The following CHST11 variants were observed in gnomAD, a reference collection of about 807,000 sequenced individuals.
CHST11 encodes C4S-1.
In CHST11, 9 loss-of-function variants were observed where a neutral mutation model predicts 30.4. The ratio of observed to expected loss-of-function variants is 0.30; its 90% CI spans 0.18 to 0.52. The LOEUF is 0.52. Ranked by LOEUF, CHST11 falls within the 20% of genes least tolerant of loss-of-function variation. The pLI, the probability that CHST11 is intolerant of heterozygous loss-of-function variation, is 0.97. For synonymous variants in CHST11, 152 were observed against 187.8 expected, an observed-to-expected ratio of 0.81 and a Z score of 1.56; for missense variants, 348 against 460.6, an observed-to-expected ratio of 0.76 and a Z score of 2.24.
intron 1 of CHST11, among the ~76,000 whole-genome samples, chr12:104,575,071 C>T (rs2038669955): frequency 2.0e-5 from 3 of 151,584 alleles, no homozygotes. Context: ...CATGCACCTG[C>T]AATTCCAGCT....
chr12:104,670,859 C>T (rs1172378740), intron 2 of CHST11, among the ~76,000 whole-genome samples: 1 of 151,802 alleles, frequency 6.6e-6, no homozygotes, highest in Non-Finnish European at 1.5e-5. Context: ...ATACCCCCCA[C>T]ACCTATACAT....
intron 1 of CHST11, among the ~76,000 whole-genome samples, chr12:104,494,480 C>T (rs1406243058): frequency 6.6e-6 from 1 of 152,172 alleles, no homozygotes; most frequent in African/African-American, 2.4e-5. Flanking sequence ...AGGCAGTTTC[C>T]CAGGGGAAGG....
At chr12:104,678,706 AG>A (rs1273803506) in intron 2 of CHST11, among the ~76,000 whole-genome samples, 1 of 152,238 alleles carries the variant, frequency 6.6e-6, no homozygotes, top group Non-Finnish European at 1.5e-5. Flanking sequence ...AAGGAATGAA[AG>A]GACAAGGTTT....
intron 1 of CHST11, among the ~76,000 whole-genome samples, chr12:104,530,081 A>C (rs1795860): frequency 0.83 from 126,242 of 152,132 alleles, 52,825 homozygotes; most frequent in East Asian, 1. Flanking sequence ...ATCTCTTGAA[A>C]CCGGGAGGTG....
intron 1 of CHST11, among the ~76,000 whole-genome samples, chr12:104,512,814 C>A (rs956322477): frequency 2.0e-5 from 3 of 152,056 alleles, no homozygotes; most frequent in African/African-American, 4.8e-5. Flanking sequence ...GGACAGAACC[C>A]AACTGGAGGT....
intron 1 of CHST11, among the ~76,000 whole-genome samples, chr12:104,517,062 G>C (rs2038031411): frequency 6.6e-6 from 1 of 152,054 alleles, no homozygotes; most frequent in Admixed American, 6.5e-5. Flanking sequence ...CATCATAGCT[G>C]TTACTGCCAC....
chr12:104,642,705 T>C (rs1056319066), intron 2 of CHST11, among the ~76,000 whole-genome samples: 2 of 152,136 alleles, frequency 1.3e-5, no homozygotes, highest in East Asian at 3.8e-4. Context: ...CAGCCTGTTA[T>C]GTATCTCTGA....
intron 2 of CHST11, among the ~76,000 whole-genome samples, chr12:104,625,317 T>C (rs750259819): frequency 6.6e-5 from 10 of 152,208 alleles, no homozygotes; most frequent in Non-Finnish European, 1.2e-4. Context: ...TCTTTTTCTT[T>C]TTCTGAGACG....
chr12:104,530,787 G>A (rs2038175581), intron 1 of CHST11, among the ~76,000 whole-genome samples: 1 of 152,184 alleles, frequency 6.6e-6, no homozygotes, highest in African/African-American at 2.4e-5. Flanking sequence ...AATATGATAA[G>A]TTCAAAATCT....
At chr12:104,469,491 A>G (rs2037487805) in intron 1 of CHST11, among the ~76,000 whole-genome samples, 1 of 152,238 alleles carries the variant, frequency 6.6e-6, no homozygotes, top group Non-Finnish European at 1.5e-5. Context: ...CAGTCATTTC[A>G]GAAAAATAAC....
intron 2 of CHST11, among the ~76,000 whole-genome samples, chr12:104,608,236 C>T (rs537809515): frequency 7.3e-4 from 111 of 152,122 alleles, no homozygotes; most frequent in African/African-American, 2.6e-3. Flanking sequence ...CTATAACTTG[C>T]GAATTTAGGG....
At chr12:104,627,795 ATGG>A (rs386377630) in intron 2 of CHST11, among the ~76,000 whole-genome samples, 2 of 148,806 alleles carry the variant, frequency 1.3e-5, no homozygotes, top group African/African-American at 4.9e-5. Context: ...GATGATGATG[ATGG>A]TGGTGGTGGA....
intron 1 of CHST11, among the ~76,000 whole-genome samples, chr12:104,509,266 C>T (rs1187325248): frequency 2.0e-5 from 3 of 152,218 alleles, no homozygotes; most frequent in Non-Finnish European, 4.4e-5. Context: ...ATGTCACTTG[C>T]TCCTCTTTGC....
intron 2 of CHST11, among the ~76,000 whole-genome samples, chr12:104,643,789 C>T (rs1199948722): frequency 6.6e-6 from 1 of 152,108 alleles, no homozygotes; most frequent in Non-Finnish European, 1.5e-5. Flanking sequence ...TGGTCTGGGT[C>T]TCATGAGCGT....
intron 2 of CHST11, among the ~76,000 whole-genome samples, chr12:104,632,947 C>T (rs757077102): frequency 6.6e-6 from 1 of 152,212 alleles, no homozygotes; most frequent in South Asian, 2.1e-4. Flanking sequence ...GTTGGTGAAA[C>T]GCTTGTGGTT....
chr12:104,479,051 T>C lies in CHST11; in HGVS notation c.118+21522T>C, dbSNP rs12581557. 0.013 allele frequency among the ~76,000 whole-genome samples: 1,949 copies of C among 152,254 alleles called. 74 individuals are homozygous for C. In the East Asian group the frequency reaches 0.16, roughly 13 times the overall value. On this transcript the variant is annotated intron_variant, in intron 1 of 2. Coordinates refer to ENST00000303694, the MANE Select transcript of CHST11 (RefSeq NM_018413.6). ...TTTCAAAAGAGTCACCTGTCTTTACTTGGCATTTCCAAACTTGCCTCAGAT... is the reference window on the plus strand; with the variant it reads ...TTTCAAAAGAGTCACCTGTCTTTACCTGGCATTTCCAAACTTGCCTCAGAT...
In CHST11 at chr12:104,761,335, A is replaced by G. The variant is rs1173278956; in HGVS notation, c.*3532A>G. 6.6e-6 allele frequency: 1 copy of G among 152,272 alleles called. No homozygotes were observed. Among genetic ancestry groups the G allele is most frequent in the African/African-American group, 2.4e-5 (1 of 41,428 alleles). The allele number at this position is 152,272 out of a possible 1,614,324, so 9.4% of individuals were successfully genotyped here. On this transcript the variant is annotated 3_prime_UTR_variant, in exon 3 of 3. Coordinates refer to ENST00000303694, the MANE Select transcript of CHST11 (RefSeq NM_018413.6). ...GCACAGGGGTCGATTAATCCAGGCT[A>G]CTAGAAAGCTCCAGAGCAAAGTGTG...
chr12:104,515,772 G>A (rs2038016431), intron 1 of CHST11, among the ~76,000 whole-genome samples: 1 of 152,206 alleles, frequency 6.6e-6, no homozygotes. Context: ...CATAGGTGAT[G>A]TGAAGGAGGT....
chr12:104,611,959 G>T (rs939795899), intron 2 of CHST11, among the ~76,000 whole-genome samples: 1 of 152,190 alleles, frequency 6.6e-6, no homozygotes, highest in African/African-American at 2.4e-5. Flanking sequence ...GACTAGGAAG[G>T]GATTAGGGGG....
Sources: allele counts gnomAD v4.1 joint callset (sites outside exome capture counted in the v4.1 genomes callset), GRCh38; gene constraint gnomAD v4.1.1; transcripts MANE v1.5; gene names NCBI Gene and HGNC (gene_info 2026-07-23, HGNC 2026-07-21).